Variants in CLSTN3 observed in about 807,000 individuals in gnomAD.
CLSTN3 encodes the protein calsyntenin 3.
CLSTN3 carries 36 observed loss-of-function variants against 95.9 expected under a neutral mutation model. The ratio of observed to expected loss-of-function variants is 0.38; its 90% CI spans 0.29 to 0.50. CLSTN3 has a LOEUF of 0.50. CLSTN3 is among the 20% of genes least tolerant of loss of function. The pLI, the probability that CLSTN3 is intolerant of heterozygous loss-of-function variation, is 0.95. For missense variants in CLSTN3, 1,084 were observed against 1,268.8 expected (o/e 0.85, Z 2.21); for synonymous variants, 481 against 504.0 (o/e 0.95, Z 0.61).
chr12:7,136,155 G>T (rs751112825), intron 5 of CLSTN3, 51 bp from the exon 6 acceptor site: 3 of 1,577,626 alleles, frequency 1.9e-6, no homozygotes, highest in Non-Finnish European at 2.6e-6. Flanking sequence ...GAGAGGGGAG[G>T]CTGCTTTACC....
chr12:7,130,643 C>G lies in CLSTN3; in HGVS notation c.-6C>G, dbSNP rs1313244189. The G allele has an allele frequency of 3.2e-6, 5 of 1,565,428 alleles. 1 individual carries two copies. The highest frequency in any genetic ancestry group is 4.2e-4 in the Middle Eastern group (2 of 4,808). On this transcript the variant is annotated 5_prime_UTR_variant, in exon 1 of 18. Coordinates refer to ENST00000266546, the MANE Select transcript of CLSTN3 (RefSeq NM_014718.4). ...CGCCTGGCCCTGCCCTGCCCCACGC[C>G]GCACCATGACCCTCCTGCTGCTGCC...
chr12:7,132,470 C>T (rs1939324376), intron 1 of CLSTN3: 1 of 208,196 alleles, frequency 4.8e-6, no homozygotes, highest in Non-Finnish European at 9.8e-6. Flanking sequence ...TTCTCCCCAT[C>T]CTGTGTTCTG....
intron 8 of CLSTN3, among the ~76,000 whole-genome samples, chr12:7,138,505 C>T (rs1357794313): frequency 6.6e-6 from 1 of 152,094 alleles, no homozygotes; most frequent in Non-Finnish European, 1.5e-5. Context: ...TATGTGTAAA[C>T]CTCAGGGTTA....
In CLSTN3 at chr12:7,142,793, C is replaced by T. The variant is rs780754730; in HGVS notation, c.1541-76C>T. ...ACTCTTCTGCTCTTTCTCTCCTTTC[C>T]CTTTCTCTCAGCCTTCGTCCTTTTC... On this transcript the variant is annotated intron_variant, in intron 10 of 17. Coordinates refer to ENST00000266546, the MANE Select transcript of CLSTN3 (RefSeq NM_014718.4). The T allele has an allele frequency of 4.5e-6, 6 of 1,337,748 alleles. No homozygotes were observed. The East Asian group carries it at 1.0e-4, about 23-fold the overall frequency. The allele number at this position is 1,337,748 out of a possible 1,614,324, so 82.9% of individuals were successfully genotyped here.
In CLSTN3 at chr12:7,142,934, C is replaced by T. The variant is rs867630711; in HGVS notation, c.1606C>T (p.Arg536Cys). The change falls in exon 11 of 18, where the codon CGC (arginine) becomes TGC (cysteine). Residue 536 changes from arginine to cysteine, a missense_variant. Arg to Cys is a radical substitution (Grantham distance 180). Coordinates refer to ENST00000266546, the MANE Select transcript of CLSTN3 (RefSeq NM_014718.4). ...GGCTGGTTTCAGCGTGCGCTCAGGT[C>T]GCCTGGAGAGCCGCGAGGTCATCGA... The part of the protein sequence containing the change: ...YLAGFSVRSG[R>C]LESREVIECL... The T allele has an allele frequency of 8.7e-6, 14 of 1,614,016 alleles. No individual in the cohort carries two copies. Among genetic ancestry groups the T allele is most frequent in the African/African-American group, 2.7e-5 (2 of 74,910 alleles).
chr12:7,158,197 A>C lies in CLSTN3; in HGVS notation c.*116A>C. The C allele has an allele frequency of 1.6e-6, 2 of 1,281,520 alleles. No individual in the cohort carries two copies. The highest frequency in any genetic ancestry group is 2.1e-6 in the Non-Finnish European group (2 of 962,280). The allele number at this position is 1,281,520 out of a possible 1,614,324, so 79.4% of individuals were successfully genotyped here. On this transcript the variant is annotated 3_prime_UTR_variant, in exon 18 of 18. Transcript: ENST00000266546. ...GACCAAGAGGGAGAGAGGCTTCAGA[A>C]CCAGTCCTCCTTTCATTTCAAAACC...
chr12:7,144,860 T>A (rs1939596544), intron 12 of CLSTN3, among the ~76,000 whole-genome samples: 1 of 152,142 alleles, frequency 6.6e-6, no homozygotes, highest in Non-Finnish European at 1.5e-5. Context: ...TTTTGGGAAT[T>A]TGCTGGTTCA....
intron 12 of CLSTN3, among the ~76,000 whole-genome samples, chr12:7,144,370 G>A (rs1364843641): frequency 6.6e-6 from 1 of 151,940 alleles, no homozygotes; most frequent in Non-Finnish European, 1.5e-5. Context: ...GATCAATTGA[G>A]AGGCAACGAA....
chr12:7,130,227 C>T (rs1939256150), upstream of CLSTN3: 1 of 308,532 alleles, frequency 3.2e-6, no homozygotes, highest in Admixed American at 5.2e-5. Flanking sequence ...AAATTGCAGC[C>T]AGGGGAAGGA....
chr12:7,145,661 T>C (rs1243342886), intron 12 of CLSTN3, among the ~76,000 whole-genome samples: 2 of 152,194 alleles, frequency 1.3e-5, no homozygotes, highest in African/African-American at 4.8e-5. Context: ...TTTTGTCCTC[T>C]TTCCACAGCT....
In CLSTN3 at chr12:7,137,109, T is replaced by A; in HGVS notation, c.1209T>A (p.Asn403Lys). 1 of 1,601,748 alleles carries A rather than the reference T, an allele frequency of 6.2e-7. No homozygotes were observed. Among genetic ancestry groups the A allele is most frequent in the Non-Finnish European group, 8.5e-7 (1 of 1,172,336 alleles). The change falls in exon 7 of 18, where the codon AAT becomes AAA. Residue 403 changes from asparagine (N) to lysine (K), a missense_variant and splice_region_variant. Asn to Lys is a moderately conservative substitution (Grantham distance 94). Transcript: ENST00000266546. This position sits in a 1 kb window ranked among gnomAD's most constrained non-coding sequence, Gnocchi z 4.4. ...EETIVCNTVQ[N>K]EDGFSHYSLT... ...CCATCGTATGTAACACTGTCCAGAA[T>A]GGTGAGCCTCCCCTCCAGGCACTAG...
Position 7,149,721 on chromosome 12 carries a change from T to C in CLSTN3, c.2245+28T>C. 1 of 1,563,162 alleles carries C rather than the reference T, an allele frequency of 6.4e-7. No homozygotes were observed. Among genetic ancestry groups the C allele is most frequent in the Non-Finnish European group, 8.7e-7 (1 of 1,145,986 alleles). On this transcript the variant is annotated intron_variant, in intron 14 of 17. Coordinates refer to ENST00000266546, the MANE Select transcript of CLSTN3 (RefSeq NM_014718.4). This position sits in a 1 kb window ranked among gnomAD's most constrained non-coding sequence, Gnocchi z 4.5. ...CAGTGGGGCCTGAGGGCCTGTCCTC[T>C]GTGTGTGTGTGCCCCTCCCAAAAAG... is the stretch of plus-strand genomic sequence containing the variant.
Position 7,137,125 on chromosome 12 carries a change from C to A in CLSTN3, c.1210+15C>A. 1 of 1,591,286 alleles carries A rather than the reference C, an allele frequency of 6.3e-7. No individual in the cohort carries two copies. ...TGTCCAGAATGGTGAGCCTCCCCTC[C>A]AGGCACTAGCCAGAGGGGGAAACTG... On this transcript the variant is annotated intron_variant, in intron 7 of 17. Coordinates refer to ENST00000266546, the MANE Select transcript of CLSTN3 (RefSeq NM_014718.4). This position sits in a 1 kb window ranked among gnomAD's most constrained non-coding sequence, Gnocchi z 4.4.
At chr12:7,154,153 A>G (rs1357086195) in intron 16 of CLSTN3, among the ~76,000 whole-genome samples, 2 of 152,218 alleles carry the variant, frequency 1.3e-5, no homozygotes, top group Non-Finnish European at 2.9e-5. Context: ...TTCACGGCAT[A>G]AAACCCTTTC....
At position 7,142,985 on chromosome 12, in the gene CLSTN3, C is replaced by T. The variant is rs372929759; in HGVS notation, c.1657C>T (p.Leu553=). The change falls in exon 11 of 18, where the codon CTG becomes TTG. Residue 553 remains leucine (L), a synonymous_variant. Coordinates refer to ENST00000266546, the MANE Select transcript of CLSTN3 (RefSeq NM_014718.4). ...IECLYACREG[L]DYRDFESLGK... The stretch of plus-strand genomic sequence containing the variant: ...GTGCCTCTATGCATGTCGGGAGGGG[C>T]TGGACTATAGGGATTTCGAGAGCCT... 1.2e-5 allele frequency: 20 copies of T among 1,614,084 alleles called. No homozygotes were observed. Among genetic ancestry groups the T allele is most frequent in the Non-Finnish European group, 1.7e-5 (20 of 1,180,044 alleles).
At chr12:7,134,030 T>C (rs1939358360) in intron 3 of CLSTN3, 1 of 392,902 alleles carries the variant, frequency 2.5e-6, no homozygotes. Flanking sequence ...CTGGACTTGC[T>C]TTTCCTTATC....
intron 8 of CLSTN3, among the ~76,000 whole-genome samples, chr12:7,138,342 T>TTC (rs149602492): frequency 0.062 from 9,473 of 151,988 alleles, 393 homozygotes; most frequent in Non-Finnish European, 0.092. Flanking sequence ...CCTTGTTTTA[T>TTC]TCTCTCTCTC....
Position 7,137,795 on chromosome 12 carries a change from T to TGAGAGAGA in CLSTN3, c.1211-140_1211-133dup, listed in dbSNP as rs71067156. 4.7e-4 allele frequency among the ~76,000 whole-genome samples: 33 copies of TGAGAGAGA among 70,674 alleles called. No individual in the cohort carries two copies. Among genetic ancestry groups the TGAGAGAGA allele is most frequent in the East Asian group, 2.1e-3 (4 of 1,882 alleles). The allele number at this position is 70,674 out of a possible 152,430, so 46.4% of individuals were successfully genotyped here. On this transcript the variant is annotated intron_variant, in intron 7 of 17. Transcript: ENST00000266546. The surrounding 1 kb of genome is among the most constrained non-coding windows in gnomAD (Gnocchi z 4.4). ...GTGTGTGTGTGTGTGTGTGTGTGTGTGAGAGAGAGAGAGAGAGAGAGAGAG... is the reference window on the plus strand; with the variant it reads ...GTGTGTGTGTGTGTGTGTGTGTGTGTGAGAGAGAGAGAGAGAGAGAGAGAGAGAGAGAG...
Position 7,141,264 on chromosome 12 carries a change from A to T in CLSTN3, c.1346A>T (p.His449Leu). The T allele has an allele frequency of 6.2e-7, 1 of 1,614,106 alleles. No homozygotes were observed. Among genetic ancestry groups the T allele is most frequent in the Non-Finnish European group, 8.5e-7 (1 of 1,180,004 alleles). Residue 449 changes from histidine to leucine, a missense_variant, in exon 9 of 18, where the codon CAC (histidine) becomes CTC (leucine). By Grantham distance (99) the His-to-Leu change is moderately conservative. Coordinates refer to ENST00000266546, the MANE Select transcript of CLSTN3 (RefSeq NM_014718.4). This position sits in a 1 kb window ranked among gnomAD's most constrained non-coding sequence, Gnocchi z 4.1. ...CAGGTCTGTGATGATGAGTGGCACC[A>T]CTACGCTCTGAACCTCGAGTTCCCC... ...LEQVCDDEWH[H>L]YALNLEFPTV...
Sources: gnomAD v4.1 joint callset for allele counts (sites outside exome capture counted in the v4.1 genomes callset) on GRCh38, gnomAD v4.1.1 for gene constraint, Gnocchi (gnomAD v3.1) non-coding constraint, MANE v1.5 for transcripts, NCBI Gene and HGNC (gene_info 2026-07-23, HGNC 2026-07-21) for gene names.